Variants in LRRC7 observed in about 807,000 individuals in gnomAD.
LRRC7 encodes leucine-rich repeat-containing protein 7.
A neutral mutation model predicts 175.7 loss-of-function variants in LRRC7; 23 were observed. The observed-to-expected ratio is 0.13, with a 90% CI of 0.09 to 0.19. The LOEUF (loss-of-function observed/expected upper bound fraction) is 0.19. LRRC7 is among the 10% of genes least tolerant of loss of function. LRRC7 has a pLI of 1.00. For missense variants in LRRC7, 1,354 were observed against 1,904.7 expected, an observed-to-expected ratio of 0.71 and a Z score of 5.38; for synonymous variants, 685 against 680.9, an observed-to-expected ratio of 1.01 and a Z score of -0.09.
intron 4 of LRRC7, among the ~76,000 whole-genome samples, chr1:69,815,145 C>T (rs1004099732): frequency 2.0e-5 from 3 of 152,096 alleles, no homozygotes; most frequent in African/African-American, 7.2e-5. Flanking sequence ...CCTTGTGAAA[C>T]CTCCACCATC....
chr1:70,060,722 G>A (rs1311651553), intron 23 of LRRC7, among the ~76,000 whole-genome samples: 2 of 152,158 alleles, frequency 1.3e-5, no homozygotes, highest in Non-Finnish European at 2.9e-5. Context: ...TGCGGAAATA[G>A]AATTGTTTCT....
chr1:69,853,146 C>T (rs945325860), intron 7 of LRRC7, among the ~76,000 whole-genome samples: 7 of 151,824 alleles, frequency 4.6e-5, no homozygotes, highest in South Asian at 2.1e-4. Flanking sequence ...ATACTATGTT[C>T]GAATGATTGA....
intron 24 of LRRC7, among the ~76,000 whole-genome samples, chr1:70,079,255 A>G (rs1663037701): frequency 6.6e-6 from 1 of 152,228 alleles, no homozygotes; most frequent in Non-Finnish European, 1.5e-5. Flanking sequence ...GTGAGGTAAC[A>G]TAAAATTTCT....
At chr1:69,880,535 C>G (rs1166920404) in intron 7 of LRRC7, among the ~76,000 whole-genome samples, 1 of 152,100 alleles carries the variant, frequency 6.6e-6, no homozygotes, top group Non-Finnish European at 1.5e-5. Flanking sequence ...TGACAATAAC[C>G]TCAGGACAGA....
chr1:69,762,083 TA>T (rs1198492949), intron 3 of LRRC7, among the ~76,000 whole-genome samples: 2 of 151,982 alleles, frequency 1.3e-5, no homozygotes, highest in African/African-American at 4.8e-5. Flanking sequence ...ACATTTACAC[TA>T]AAAAAATTTT....
intron 7 of LRRC7, among the ~76,000 whole-genome samples, chr1:69,892,314 G>A (rs1645859657): frequency 6.6e-6 from 1 of 152,138 alleles, no homozygotes; most frequent in African/African-American, 2.4e-5. Flanking sequence ...AAGTGGAAAG[G>A]TAGGGTGAGG....
At position 69,884,499 on chromosome 1, in the gene LRRC7, C is replaced by G. The variant is rs1225964920; in HGVS notation, c.647+46216C>G. On this transcript the variant is annotated intron_variant, in intron 7 of 26. Transcript: ENST00000651989. Reference sequence around the variant, plus strand: ...AGACTTTGCTGAAGTTGCTTATCACCTTAAGGCGATTTTGGGCTGAGACAA... The same window carrying G: ...AGACTTTGCTGAAGTTGCTTATCACGTTAAGGCGATTTTGGGCTGAGACAA... Among the ~76,000 whole-genome samples, 3 of 133,990 alleles carry G rather than the reference C, an allele frequency of 2.2e-5. 1 individual carries two copies. Among genetic ancestry groups the G allele is most frequent in the African/African-American group, 9.5e-5 (3 of 31,514 alleles). The allele number at this position is 133,990 out of a possible 152,430, so 87.9% of individuals were successfully genotyped here. A position where few individuals can be genotyped will look rare whatever the true frequency, so the allele number is the denominator to read the frequency against.
intron 1 of LRRC7, 42 bp downstream of exon 1, chr1:69,568,683 G>A (rs750812812): frequency 5.0e-6 from 6 of 1,208,822 alleles, no homozygotes; most frequent in South Asian, 1.3e-5. Flanking sequence ...GGTGCTGCGG[G>A]GGCCCGGCCG....
chr1:70,060,864 A>G (rs1661525225), intron 23 of LRRC7, among the ~76,000 whole-genome samples: 1 of 152,214 alleles, frequency 6.6e-6, no homozygotes, highest in Admixed American at 6.5e-5. Flanking sequence ...AAGCAAATAT[A>G]TCAAGTAGAA....
chr1:69,596,044 T>C (rs189311194), intron 1 of LRRC7, among the ~76,000 whole-genome samples: 6 of 144,392 alleles, frequency 4.2e-5, no homozygotes, highest in Admixed American at 2.1e-4. Context: ...CAATTATCCT[T>C]AATCACTCAC....
In LRRC7 at chr1:69,663,972, C is replaced by T. The variant is rs534627268; in HGVS notation, c.3-14409C>T. Among the ~76,000 whole-genome samples the T allele has an allele frequency of 3.3e-5, 5 of 152,094 alleles. No homozygotes were observed. The East Asian group carries it at 7.8e-4, about 24-fold the overall frequency. On this transcript the variant is annotated intron_variant, in intron 1 of 26. Transcript: ENST00000651989. ...TCCTGACCTCATGATCCACCCGCCT[C>T]GGCCTCCCAAAGTGCTGGAATTACA... is the stretch of plus-strand genomic sequence containing the variant.
At chr1:69,986,866 A>T (rs1653977514) in intron 10 of LRRC7, among the ~76,000 whole-genome samples, 1 of 152,226 alleles carries the variant, frequency 6.6e-6, no homozygotes, top group South Asian at 2.1e-4. Context: ...TTAAAAAGTC[A>T]CATGTCCTTA....
intron 3 of LRRC7, among the ~76,000 whole-genome samples, chr1:69,761,242 G>A (rs929909229): frequency 1.3e-5 from 2 of 149,138 alleles, no homozygotes; most frequent in African/African-American, 5.2e-5. Context: ...GGAAAAAAAC[G>A]TCATGCACTC....
At chr1:69,882,406 C>T (rs1298827741) in intron 7 of LRRC7, among the ~76,000 whole-genome samples, 1 of 152,042 alleles carries the variant, frequency 6.6e-6, no homozygotes, top group African/African-American at 2.4e-5. Context: ...GATTTGCAGT[C>T]CCATGTTCAT....
intron 23 of LRRC7, among the ~76,000 whole-genome samples, chr1:70,070,071 G>T (rs1662267843): frequency 6.6e-6 from 1 of 152,054 alleles, no homozygotes; most frequent in Non-Finnish European, 1.5e-5. Context: ...AGAGCTCATT[G>T]CAGCCTGGAC....
At chr1:70,061,841 A>T (rs1413018050) in intron 23 of LRRC7, among the ~76,000 whole-genome samples, 1 of 152,176 alleles carries the variant, frequency 6.6e-6, no homozygotes, top group Non-Finnish European at 1.5e-5. Context: ...CTAGAACTGA[A>T]TTATTTGTGT....
At chr1:69,689,197 A>C (rs937198269) in intron 2 of LRRC7, among the ~76,000 whole-genome samples, 7 of 152,182 alleles carry the variant, frequency 4.6e-5, no homozygotes, top group Admixed American at 1.3e-4. Flanking sequence ...TCTCTCACAC[A>C]CTATGGTCAG....
chr1:70,075,352 G>GT (rs1473880220), intron 23 of LRRC7, among the ~76,000 whole-genome samples: 3 of 152,136 alleles, frequency 2.0e-5, no homozygotes, highest in African/African-American at 7.2e-5. Context: ...GGGTATGATC[G>GT]TATCATTTAA....
At chr1:69,612,540 G>A (rs1230587765) in intron 1 of LRRC7, among the ~76,000 whole-genome samples, 2 of 151,972 alleles carry the variant, frequency 1.3e-5, no homozygotes, top group Admixed American at 1.3e-4. Flanking sequence ...GAAGGTGGAA[G>A]ATTAGGTTTA....
Sources: allele counts gnomAD v4.1 joint callset (sites outside exome capture counted in the v4.1 genomes callset), GRCh38; gene constraint gnomAD v4.1.1; transcripts MANE v1.5; gene names NCBI Gene and HGNC (gene_info 2026-07-23, HGNC 2026-07-21).